Variants in CORIN observed in about 807,000 individuals in gnomAD.
CORIN encodes atrial natriuretic peptide-converting enzyme.
A neutral mutation model predicts 125.3 loss-of-function variants in CORIN; 117 were observed. The ratio of observed to expected loss-of-function variants is 0.93; its 90% CI spans 0.80 to 1.09. CORIN has a LOEUF of 1.09. CORIN is among the 50% of genes least tolerant of loss of function. CORIN has a pLI of 0.00. For missense variants in CORIN, 1,253 were observed against 1,306.7 expected (o/e 0.96, Z 0.63); for synonymous variants, 450 against 466.4 (o/e 0.96, Z 0.45).
intron 4 of CORIN, among the ~76,000 whole-genome samples, chr4:47,748,743 TAA>T (rs1453654872): frequency 6.6e-6 from 1 of 152,168 alleles, no homozygotes; most frequent in Non-Finnish European, 1.5e-5. Context: ...AATTATGAAA[TAA>T]GTCATAGCCA....
intron 10 of CORIN, among the ~76,000 whole-genome samples, chr4:47,665,987 C>T (rs1724461500): frequency 6.6e-6 from 1 of 152,074 alleles, no homozygotes; most frequent in Non-Finnish European, 1.5e-5. Context: ...CCTCTCTTAC[C>T]TCCTCTTTTA....
chr4:47,786,333 G>A (rs1004562153), intron 3 of CORIN, among the ~76,000 whole-genome samples: 14 of 151,938 alleles, frequency 9.2e-5, no homozygotes, highest in East Asian at 1.9e-4. Flanking sequence ...TCAGGAGTTC[G>A]AGACCAGCCT....
At chr4:47,602,999 T>C (rs1226169140) in intron 20 of CORIN, among the ~76,000 whole-genome samples, 2 of 152,018 alleles carry the variant, frequency 1.3e-5, no homozygotes, top group Non-Finnish European at 2.9e-5. Flanking sequence ...AGGAACACAA[T>C]GTTTCTCAGG....
chr4:47,704,242 G>A (rs1207936709), intron 5 of CORIN, among the ~76,000 whole-genome samples: 6 of 152,038 alleles, frequency 3.9e-5, no homozygotes, highest in African/African-American at 7.2e-5. Context: ...TTAACCTTGC[G>A]TAAAACTAAA....
At chr4:47,806,800 G>T in intron 2 of CORIN, 103 bp downstream of exon 2, 2 of 1,215,826 alleles carry the variant, frequency 1.6e-6, no homozygotes. Context: ...TCCTCTCATT[G>T]ACTGACACTT....
At chr4:47,793,910 T>C (rs1297835114) in intron 2 of CORIN, among the ~76,000 whole-genome samples, 3 of 152,196 alleles carry the variant, frequency 2.0e-5, no homozygotes, top group African/African-American at 7.2e-5. Context: ...TTCCAAGTGA[T>C]GCTGATGCTG....
At chr4:47,752,997 C>G (rs1436478804) in intron 4 of CORIN, among the ~76,000 whole-genome samples, 1 of 151,682 alleles carries the variant, frequency 6.6e-6, no homozygotes, top group Non-Finnish European at 1.5e-5. Context: ...GTCAGAGCCA[C>G]ATAATTATCG....
intron 1 of CORIN, among the ~76,000 whole-genome samples, chr4:47,812,261 G>A (rs562177127): frequency 5.8e-4 from 88 of 152,228 alleles, no homozygotes; most frequent in African/African-American, 2.0e-3. Flanking sequence ...ACTTTGGGAG[G>A]CTGAGGCAGG....
At chr4:47,663,449 G>A (rs867917319) in intron 11 of CORIN, among the ~76,000 whole-genome samples, 42 of 151,904 alleles carry the variant, frequency 2.8e-4, no homozygotes, top group South Asian at 2.1e-3. Flanking sequence ...TATAAAATTC[G>A]TAGTGATAGA....
chr4:47,668,263 T>G (rs912133550), intron 10 of CORIN, among the ~76,000 whole-genome samples: 9 of 152,222 alleles, frequency 5.9e-5, no homozygotes, highest in Admixed American at 5.9e-4. Context: ...ATAAAAACAC[T>G]ACAAAGATGC....
At position 47,595,067 on chromosome 4, in the gene CORIN, A is replaced by C. The variant is rs986865125; in HGVS notation, c.*654T>G. On this transcript the variant is annotated 3_prime_UTR_variant, in exon 22 of 22. Coordinates refer to ENST00000273857, the MANE Select transcript of CORIN (RefSeq NM_006587.4). ...CAGTTCTCAGAATTATGCAAACATT[A>C]GAAGGGGGTAATAGTAAATACTTTA... 4.6e-5 allele frequency: 7 copies of C among 152,206 alleles called. No individual in the cohort carries two copies. Among genetic ancestry groups the C allele is most frequent in the Non-Finnish European group, 1.0e-4 (7 of 68,028 alleles). The allele number at this position is 152,206 out of a possible 1,614,324, so 9.4% of individuals were successfully genotyped here.
At chr4:47,703,436 C>T (rs1489448342) in intron 5 of CORIN, among the ~76,000 whole-genome samples, 2 of 152,176 alleles carry the variant, frequency 1.3e-5, no homozygotes, top group Non-Finnish European at 2.9e-5. Flanking sequence ...GATATCCACA[C>T]TAATACTGAA....
intron 10 of CORIN, among the ~76,000 whole-genome samples, chr4:47,666,731 C>A (rs1001382048): frequency 6.6e-6 from 1 of 152,112 alleles, no homozygotes; most frequent in Non-Finnish European, 1.5e-5. Context: ...CGCAAGAGGG[C>A]AACTGTCTGC....
At chr4:47,729,124 C>T (rs1449606758) in intron 5 of CORIN, among the ~76,000 whole-genome samples, 1 of 152,182 alleles carries the variant, frequency 6.6e-6, no homozygotes, top group Non-Finnish European at 1.5e-5. Context: ...AAAGTCAAAA[C>T]AAGCCTGTAA....
intron 5 of CORIN, among the ~76,000 whole-genome samples, chr4:47,727,222 T>C (rs935233412): frequency 4.7e-4 from 72 of 152,190 alleles, no homozygotes; most frequent in Admixed American, 1.8e-3. Context: ...GCTTCTCAAA[T>C]AATTGAATGC....
At chr4:47,780,558 A>C (rs865817921) in intron 3 of CORIN, among the ~76,000 whole-genome samples, 2 of 152,234 alleles carry the variant, frequency 1.3e-5, no homozygotes, top group African/African-American at 4.8e-5. Context: ...CTACTCCTCC[A>C]CAAAAGCAGT....
At chr4:47,625,108 G>A (rs1722497628) in intron 17 of CORIN, among the ~76,000 whole-genome samples, 2 of 151,950 alleles carry the variant, frequency 1.3e-5, no homozygotes, top group South Asian at 4.1e-4. Flanking sequence ...ACTTACCAAA[G>A]CCTAAAATTA....
intron 16 of CORIN, among the ~76,000 whole-genome samples, chr4:47,627,755 T>C (rs1408556607): frequency 1.3e-5 from 2 of 152,202 alleles, no homozygotes; most frequent in African/African-American, 4.8e-5. Flanking sequence ...CCTTCTGCGA[T>C]AGAACTACCT....
rs1723242289 is a variant in CORIN at position 47,641,862 on chromosome 4, G to A, written c.2198+58C>T. 8.2e-6 allele frequency: 13 copies of A among 1,582,486 alleles called. 1 individual carries two copies. In the South Asian group the frequency reaches 9.1e-5, roughly 11 times the overall value. ...TGTGCATCCTAAGGAAGATATTACTGCCAAGTTCCACAAAGCCTTCTGAGA... is the reference window on the plus strand; with the variant it reads ...TGTGCATCCTAAGGAAGATATTACTACCAAGTTCCACAAAGCCTTCTGAGA... On this transcript the variant is annotated intron_variant, in intron 16 of 21. Coordinates refer to ENST00000273857, the MANE Select transcript of CORIN (RefSeq NM_006587.4).
Sources: allele counts gnomAD v4.1 joint callset (sites outside exome capture counted in the v4.1 genomes callset), GRCh38; gene constraint gnomAD v4.1.1; transcripts MANE v1.5; gene names NCBI Gene and HGNC (gene_info 2026-07-23, HGNC 2026-07-21).